The following FBXL13 variants were observed in gnomAD, a reference collection of about 807,000 sequenced individuals.
FBXL13 encodes F-box and leucine rich repeat protein 13.
Under a neutral mutation model 83.6 loss-of-function variants are expected in FBXL13, and 67 were observed. The ratio of observed to expected loss-of-function variants is 0.80; its 90% confidence interval spans 0.66 to 0.98. The LOEUF (loss-of-function observed/expected upper bound fraction) is 0.98. Among genes scored for constraint, FBXL13 ranks in the 50% least tolerant of loss-of-function variants. FBXL13 has a pLI of 0.00. For missense variants in FBXL13, 822 were observed against 866.5 expected (o/e 0.95, Z 0.64); for synonymous variants, 272 against 299.5 (o/e 0.91, Z 0.95).
At chr7:103,073,693 A>G (rs542192957) in intron 1 of FBXL13, among the ~76,000 whole-genome samples, 1 of 152,274 alleles carries the variant, frequency 6.6e-6, no homozygotes, top group South Asian at 2.1e-4. Context: ...CTAGAAGTAG[A>G]AATGCTTGGT....
chr7:102,939,339 G>T lies in FBXL13; in HGVS notation c.725-7406C>A, dbSNP rs968338739. The T allele has an allele frequency of 5.4e-6, 6 of 1,110,406 alleles. No individual in the cohort carries two copies. The Admixed American group carries it at 1.4e-4, about 25-fold the overall frequency. The allele number at this position is 1,110,406 out of a possible 1,614,324, so 68.8% of individuals were successfully genotyped here. On this transcript the variant is annotated intron_variant, in intron 8 of 19. Coordinates refer to ENST00000313221, the Ensembl canonical transcript of FBXL13. The stretch of plus-strand genomic sequence containing the variant: ...ATATCCCTTTACCCCTTCTCTTTAA[G>T]AGCTGATTCTTCAATCACACAGATA...
chr7:102,815,588 A>T (rs1254782022), intron 19 of FBXL13, among the ~76,000 whole-genome samples: 1 of 152,160 alleles, frequency 6.6e-6, no homozygotes, highest in Non-Finnish European at 1.5e-5. Context: ...AATGCCACTG[A>T]TGTTGACTGT....
At chr7:102,962,683 G>T (rs1026762629) in intron 8 of FBXL13, among the ~76,000 whole-genome samples, 1 of 151,852 alleles carries the variant, frequency 6.6e-6, no homozygotes, top group Non-Finnish European at 1.5e-5. Flanking sequence ...TCCTTTGTAG[G>T]GACATGGATG....
chr7:102,935,941 G>A (rs747463275), intron 8 of FBXL13, among the ~76,000 whole-genome samples: 7 of 152,114 alleles, frequency 4.6e-5, no homozygotes, highest in Non-Finnish European at 7.3e-5. Flanking sequence ...TGTTAGGCAG[G>A]AATTTATTAA....
Position 102,958,558 on chromosome 7 carries a change from T to TAAA in FBXL13, c.724+4974_724+4975insTTT, listed in dbSNP as rs1279206004. On this transcript the variant is annotated intron_variant, in intron 8 of 19. Coordinates refer to ENST00000313221, the Ensembl canonical transcript of FBXL13. Reference sequence around the variant, plus strand: ...ATAATAATAATAATAATAATAATAATAATAATAATAAAACAGAGACAGAGA... The same window carrying TAAA: ...ATAATAATAATAATAATAATAATAATAAAAATAATAATAAAACAGAGACAGAGA... Among the ~76,000 whole-genome samples, 690 of 143,272 alleles carry TAAA rather than the reference T, an allele frequency of 4.8e-3. 6 individuals carry two copies. The highest frequency in any genetic ancestry group is 0.017 in the African/African-American group (662 of 39,568). 94.0% of individuals were successfully genotyped at this position (143,272 alleles called of 152,430 possible).
intron 8 of FBXL13, among the ~76,000 whole-genome samples, chr7:102,941,642 C>CCATT (rs1242364600): frequency 2.6e-5 from 4 of 151,984 alleles, no homozygotes; most frequent in African/African-American, 9.7e-5. Flanking sequence ...CAAGCAAAAG[C>CCATT]CATTCCAAAG....
intron 2 of FBXL13, among the ~76,000 whole-genome samples, chr7:103,032,895 G>A (rs1794651110): frequency 6.6e-6 from 1 of 152,172 alleles, no homozygotes; most frequent in Admixed American, 6.5e-5. Context: ...GGGGTGTGGT[G>A]GCATGCACCC....
chr7:102,919,330 G>T (rs754747625), intron 10 of FBXL13, among the ~76,000 whole-genome samples: 1 of 152,138 alleles, frequency 6.6e-6, no homozygotes, highest in Non-Finnish European at 1.5e-5. Context: ...AAATAAAAAT[G>T]ATGAAAGAGA....
At chr7:102,948,014 A>T in intron 8 of FBXL13, among the ~76,000 whole-genome samples, 1 of 151,586 alleles carries the variant, frequency 6.6e-6, no homozygotes, top group Non-Finnish European at 1.5e-5. Flanking sequence ...GAGAAATCTG[A>T]GTCTCCTGCT....
intron 14 of FBXL13, among the ~76,000 whole-genome samples, chr7:102,880,838 A>G (rs909166019): frequency 9.9e-5 from 15 of 152,172 alleles, no homozygotes; most frequent in Non-Finnish European, 2.2e-4. Flanking sequence ...ACCCTACAGA[A>G]GTCTCAGGTT....
At chr7:103,047,438 G>C (rs1382226142) in intron 2 of FBXL13, among the ~76,000 whole-genome samples, 1 of 152,082 alleles carries the variant, frequency 6.6e-6, no homozygotes, top group Non-Finnish European at 1.5e-5. Flanking sequence ...ATAACTAATG[G>C]TTATCACAGG....
At chr7:102,878,609 T>C (rs889973408) in intron 14 of FBXL13, among the ~76,000 whole-genome samples, 159 bp from the exon 16 acceptor site, 2 of 152,206 alleles carry the variant, frequency 1.3e-5, no homozygotes, top group Admixed American at 6.5e-5. Context: ...TTTGATTATA[T>C]AGATTTTAAT....
At chr7:103,034,018 G>A (rs1259773968) in intron 2 of FBXL13, among the ~76,000 whole-genome samples, 2 of 151,984 alleles carry the variant, frequency 1.3e-5, no homozygotes, top group Non-Finnish European at 2.9e-5. Flanking sequence ...ACAGAGTGTC[G>A]ATTGGTGCAT....
At chr7:102,878,372 A>G (rs1366037463) in exon 15 of FBXL13, 1 of 1,610,380 alleles carries the variant, frequency 6.2e-7, no homozygotes. Flanking sequence ...TTAGCCGCAC[A>G]CAGTTGCTTA....
At chr7:102,855,497 G>A (rs1250804983) in intron 16 of FBXL13, among the ~76,000 whole-genome samples, 1 of 151,926 alleles carries the variant, frequency 6.6e-6, no homozygotes, top group Admixed American at 6.6e-5. Context: ...CAAATTTACT[G>A]GCACAACACT....
At chr7:103,049,679 G>A (rs376989577) in intron 2 of FBXL13, among the ~76,000 whole-genome samples, 4 of 152,204 alleles carry the variant, frequency 2.6e-5, no homozygotes, top group African/African-American at 7.2e-5. Context: ...GTCCCAGGCT[G>A]TGAGAGCTTG....
chr7:102,902,464 T>C (rs1813085686), intron 11 of FBXL13, among the ~76,000 whole-genome samples: 1 of 152,188 alleles, frequency 6.6e-6, no homozygotes, highest in South Asian at 2.1e-4. Flanking sequence ...CATGTTTGCT[T>C]TGGTTGCCTG....
chr7:102,907,134 G>A (rs562909714), intron 11 of FBXL13, among the ~76,000 whole-genome samples: 38 of 151,984 alleles, frequency 2.5e-4, no homozygotes, highest in African/African-American at 8.4e-4. Flanking sequence ...CACCACGTCT[G>A]GCTAATTTTT....
chr7:102,935,238 C>CTTTT (rs1563116555), intron 8 of FBXL13, among the ~76,000 whole-genome samples: 2 of 84,472 alleles, frequency 2.4e-5, no homozygotes, highest in African/African-American at 4.7e-5. Flanking sequence ...TTTTTTTTTT[C>CTTTT]TTTCTTTTTT....
Sources: allele counts gnomAD v4.1 joint callset (sites outside exome capture counted in the v4.1 genomes callset), GRCh38; gene constraint gnomAD v4.1.1; transcripts MANE v1.5; gene names NCBI Gene and HGNC (gene_info 2026-07-23, HGNC 2026-07-21).